BCAR3: variants seen among roughly 807,000 people sequenced by gnomAD.
BCAR3 encodes the protein BCAR3 adaptor protein, NSP family member, also known as breast cancer anti-estrogen resistance protein 3.
BCAR3 carries 37 observed loss-of-function variants against 80.1 expected under a neutral mutation model. The observed-to-expected ratio is 0.46, with a 90% CI of 0.36 to 0.61. The LOEUF (loss-of-function observed/expected upper bound fraction) is 0.61, where lower values mean the gene tolerates loss of function less well. Ranked by LOEUF, BCAR3 falls within the 20% of genes least tolerant of loss-of-function variation. The pLI is 0.00. For synonymous variants in BCAR3, 389 were observed against 418.9 expected (o/e 0.93, Z 0.87); for missense variants, 978 against 1,068.2 (o/e 0.92, Z 1.18).
At chr1:93,694,079 G>A (rs1649298076) in intron 3 of BCAR3, among the ~76,000 whole-genome samples, 1 of 152,222 alleles carries the variant, frequency 6.6e-6, no homozygotes, top group Admixed American at 6.5e-5. Context: ...AAGTATCAGA[G>A]GATGAGAATA....
intron 3 of BCAR3, among the ~76,000 whole-genome samples, chr1:93,615,694 G>A (rs1421021140): frequency 2.0e-5 from 3 of 152,182 alleles, no homozygotes; most frequent in Non-Finnish European, 4.4e-5. Context: ...TTTCTGGCTT[G>A]CCCTCATTTC....
intron 3 of BCAR3, among the ~76,000 whole-genome samples, chr1:93,602,845 C>T (rs763502817): frequency 1.3e-4 from 20 of 152,182 alleles, no homozygotes; most frequent in African/African-American, 2.9e-4. Context: ...ACTTCTAGTA[C>T]GAGCCCTTGG....
At chr1:93,714,303 C>G (rs1273321179) in intron 2 of BCAR3, among the ~76,000 whole-genome samples, 1 of 152,200 alleles carries the variant, frequency 6.6e-6, no homozygotes, top group Non-Finnish European at 1.5e-5. Flanking sequence ...TATTATGGAA[C>G]TTAATACACT....
chr1:93,665,628 A>G (rs1160254194), intron 2 of BCAR3, among the ~76,000 whole-genome samples: 1 of 152,120 alleles, frequency 6.6e-6, no homozygotes, highest in Non-Finnish European at 1.5e-5. Context: ...ACTTCTGTGC[A>G]GACTCCTAAC....
chr1:93,674,546 G>A (rs1471875039), intron 2 of BCAR3, 68 bp downstream of exon 2: 59 of 1,525,534 alleles, frequency 3.9e-5, no homozygotes, highest in Admixed American at 1.0e-4. Context: ...CACCACGCCC[G>A]GCCATAAAAA....
Position 93,571,831 on chromosome 1 carries a change from T to A in BCAR3, c.1813A>T (p.Met605Leu), listed in dbSNP as rs746635877. ...RLDIIERHNTMAIGIAVDILG... is the reference protein window; with the variant it reads ...RLDIIERHNTLAIGIAVDILG... Reference sequence around the variant, plus strand: ...ATGTCCACTGCAATGCCGATGGCCATTGTGTTGTGTCTGAAAGCCAGGAGA... The same window carrying A: ...ATGTCCACTGCAATGCCGATGGCCAATGTGTTGTGTCTGAAAGCCAGGAGA... Residue 605 changes from methionine (M) to leucine (L), a missense_variant, in exon 9 of 12, where the codon ATG (methionine) becomes TTG (leucine). Met to Leu is a conservative substitution (Grantham distance 15, BLOSUM62 2). Transcript: ENST00000260502. The A allele has an allele frequency of 2.5e-6, 4 of 1,612,958 alleles. No homozygotes were observed. In the East Asian group the frequency reaches 8.9e-5, roughly 36 times the overall value.
chr1:93,765,484 G>A (rs1392803256), intron 2 of BCAR3, among the ~76,000 whole-genome samples: 2 of 152,046 alleles, frequency 1.3e-5, no homozygotes, highest in South Asian at 2.1e-4. Context: ...TGATTGACAG[G>A]TAGAAAACTG....
At chr1:93,668,512 G>A (rs553643906) in intron 2 of BCAR3, among the ~76,000 whole-genome samples, 15 of 152,180 alleles carry the variant, frequency 9.9e-5, no homozygotes, top group Middle Eastern at 3.4e-3. Flanking sequence ...TAAACCATTC[G>A]CAACAGCTGC....
chr1:93,835,191 TA>T (rs1553175681), intron 2 of BCAR3, among the ~76,000 whole-genome samples: 1 of 152,188 alleles, frequency 6.6e-6, no homozygotes, highest in Non-Finnish European at 1.5e-5. Flanking sequence ...TATGCTGTTA[TA>T]TGGGCTGAAA....
intron 8 of BCAR3, among the ~76,000 whole-genome samples, chr1:93,573,615 A>ATTTGTTTTTTTTTTT (rs919862286): frequency 3.9e-5 from 5 of 129,798 alleles, no homozygotes; most frequent in Admixed American, 7.6e-5. Flanking sequence ...TATTTTTATT[A>ATTTGTTTTTTTTTTT]TTATTATTAT....
chr1:93,698,082 G>C (rs1418217515), intron 3 of BCAR3, among the ~76,000 whole-genome samples: 1 of 152,246 alleles, frequency 6.6e-6, no homozygotes, highest in African/African-American at 2.4e-5. Context: ...CTGCTCACAG[G>C]AAGGGCTACG....
At chr1:93,655,844 G>A (rs1205455705) in intron 2 of BCAR3, among the ~76,000 whole-genome samples, 2 of 152,134 alleles carry the variant, frequency 1.3e-5, no homozygotes, top group African/African-American at 2.4e-5. Flanking sequence ...ACATTTAAGG[G>A]ATCCCTTCAG....
intron 2 of BCAR3, among the ~76,000 whole-genome samples, chr1:93,708,290 C>CT (rs1649894275): frequency 6.6e-6 from 1 of 152,210 alleles, no homozygotes; most frequent in Non-Finnish European, 1.5e-5. Flanking sequence ...ACAATTAAAC[C>CT]CCTAAGCACC....
At position 93,821,753 on chromosome 1, in the gene BCAR3, AC is replaced by A. The variant is rs1654231996; in HGVS notation, c.-63+23813del. Among the ~76,000 whole-genome samples, 6 of 152,286 alleles carry A rather than the reference AC, an allele frequency of 3.9e-5. No homozygotes were observed. In the South Asian group the frequency reaches 1.2e-3, roughly 32 times the overall value. On this transcript the variant is annotated intron_variant, in intron 2 of 13. Transcript: ENST00000370244. ...CTGTGTTGTGCTAAGCACTTAGCATACCTTATAATCATCACAAAAATTTAAT... is the reference window on the plus strand; with the variant it reads ...CTGTGTTGTGCTAAGCACTTAGCATACTTATAATCATCACAAAAATTTAAT...
At chr1:93,568,839 T>C (rs1673084400) in intron 9 of BCAR3, among the ~76,000 whole-genome samples, 1 of 152,216 alleles carries the variant, frequency 6.6e-6, no homozygotes, top group East Asian at 1.9e-4. Flanking sequence ...CTTTTCTTCT[T>C]TGAGATGGGG....
chr1:93,768,712 A>G (rs1032917820), intron 2 of BCAR3, among the ~76,000 whole-genome samples: 29 of 152,182 alleles, frequency 1.9e-4, no homozygotes, highest in Admixed American at 3.3e-4. Context: ...CCTGTGGGGA[A>G]GTAGAGATAT....
At chr1:93,683,671 C>T (rs887100976), upstream of BCAR3, among the ~76,000 whole-genome samples, 1 of 152,140 alleles carries the variant, frequency 6.6e-6, no homozygotes, top group Admixed American at 6.5e-5. Flanking sequence ...GTGAAAGAAG[C>T]TGGCCGCAAA....
At chr1:93,739,914 T>C (rs769738051) in intron 2 of BCAR3, among the ~76,000 whole-genome samples, 10 of 151,726 alleles carry the variant, frequency 6.6e-5, no homozygotes, top group Non-Finnish European at 1.2e-4. Context: ...CCCATGCCTG[T>C]AATCCCAGCT....
intron 2 of BCAR3, among the ~76,000 whole-genome samples, chr1:93,711,204 T>C (rs1650010404): frequency 6.6e-6 from 1 of 152,218 alleles, no homozygotes; most frequent in Non-Finnish European, 1.5e-5. Flanking sequence ...CTTGATGCAG[T>C]GTGGGAGGAA....
Sources: gnomAD v4.1 joint callset for allele counts (sites outside exome capture counted in the v4.1 genomes callset) on GRCh38, gnomAD v4.1.1 for gene constraint, MANE v1.5 for transcripts, NCBI Gene and HGNC (gene_info 2026-07-23, HGNC 2026-07-21) for gene names.